VEZT: variants seen among roughly 807,000 people sequenced by gnomAD.
VEZT encodes the protein vezatin.
A neutral mutation model predicts 79.9 loss-of-function variants in VEZT; 39 were observed. The observed-to-expected ratio is 0.49, with a 90% CI of 0.38 to 0.64. VEZT has a LOEUF of 0.64. Among genes scored for constraint, VEZT ranks in the 30% least tolerant of loss-of-function variants. VEZT has a pLI of 0.00. For synonymous variants in VEZT, 325 were observed against 327.6 expected (o/e 0.99, Z 0.09); for missense variants, 837 against 893.1 (o/e 0.94, Z 0.80).
chr12:95,222,040 G>T (rs2057698506), intron 1 of VEZT, among the ~76,000 whole-genome samples: 5 of 152,128 alleles, frequency 3.3e-5, no homozygotes, highest in Admixed American at 3.3e-4. Context: ...TCCATGGACT[G>T]GGTATTTGCC....
chr12:95,269,288 C>G (rs944248703), intron 5 of VEZT, among the ~76,000 whole-genome samples: 1 of 152,120 alleles, frequency 6.6e-6, no homozygotes, highest in Non-Finnish European at 1.5e-5. Context: ...TAGGTACTCC[C>G]CATTAATCTT....
rs2067312270 is a variant in VEZT at position 95,274,822 on chromosome 12, G to T, written c.929G>T (p.Ser310Ile). Residue 310 changes from serine to isoleucine, a missense_variant, in exon 7 of 12, where the codon AGT becomes ATT. Transcript: ENST00000436874. ...TTTAAAGAGCTGGGCCTTGGACTTA[G>T]TGAAGAGCAGATTTCAGAAGAGGAA... is the stretch of plus-strand genomic sequence containing the variant. The part of the protein sequence containing the change: ...VPFKELGLGL[S>I]EEQISEEEAH... The T allele has an allele frequency of 1.9e-6, 3 of 1,613,780 alleles. No individual in the cohort carries two copies. The highest frequency in any genetic ancestry group is 1.7e-5 in the Admixed American group (1 of 59,994).
Position 95,287,744 on chromosome 12 carries a change from TC to T in VEZT, c.1411del (p.Leu471Ter). On this transcript the variant is annotated frameshift_variant, in exon 9 of 12. Coordinates refer to ENST00000436874, the MANE Select transcript of VEZT (RefSeq NM_017599.4). LOFTEE classifies it high-confidence loss of function. The part of the protein sequence containing the change: ...TQELVSEAYP[I>X]LEQKLKLIQP... ...GAACTAGTGTCAGAGGCTTATCCCA[TC>T]CTAGAACAGAAATTAAAGTTGATTC... 6.2e-7 allele frequency: 1 copy of T among 1,603,374 alleles called. No individual in the cohort carries two copies.
chr12:95,244,505 C>T (rs187264395), intron 1 of VEZT, among the ~76,000 whole-genome samples: 1 of 152,144 alleles, frequency 6.6e-6, no homozygotes, highest in East Asian at 1.9e-4. Flanking sequence ...TGCCTTCTTA[C>T]AGTTGTTCCA....
At chr12:95,289,339 C>T (rs1376346935) in intron 9 of VEZT, among the ~76,000 whole-genome samples, 1 of 145,342 alleles carries the variant, frequency 6.9e-6, no homozygotes, top group African/African-American at 2.6e-5. Context: ...ATGGCGTGAA[C>T]CCAGGAGGCG....
intron 1 of VEZT, among the ~76,000 whole-genome samples, chr12:95,236,891 C>T (rs1036324026): frequency 9.2e-5 from 14 of 152,252 alleles, no homozygotes; most frequent in African/African-American, 3.1e-4. Context: ...TTGGCTCTTA[C>T]TGAATTCTTA....
intron 1 of VEZT, among the ~76,000 whole-genome samples, chr12:95,231,257 C>T (rs1471017818): frequency 2.6e-5 from 4 of 152,106 alleles, no homozygotes; most frequent in Non-Finnish European, 4.4e-5. Context: ...CCTTTGAAGG[C>T]GTTTTTAAAA....
At chr12:95,235,917 C>G (rs1321799694) in intron 1 of VEZT, among the ~76,000 whole-genome samples, 2 of 151,058 alleles carry the variant, frequency 1.3e-5, no homozygotes, top group Admixed American at 6.6e-5. Flanking sequence ...CGGGCAGAGA[C>G]GCTCCTCACT....
Position 95,225,669 on chromosome 12 carries a change from A to G in VEZT, c.36+7783A>G, listed in dbSNP as rs373400915. The stretch of plus-strand genomic sequence containing the variant: ...AACTTGGAGTCTCTCCACTGTCTCT[A>G]CCACACCTGCAGCTGTGTTATCAAG... On this transcript the variant is annotated intron_variant, in intron 1 of 11. Coordinates refer to ENST00000436874, the MANE Select transcript of VEZT (RefSeq NM_017599.4). Among the ~76,000 whole-genome samples the G allele has an allele frequency of 1.0e-4, 15 of 150,456 alleles. No homozygotes were observed. In the East Asian group the frequency reaches 2.8e-3, roughly 28 times the overall value.
At chr12:95,243,446 T>C (rs969250584) in intron 1 of VEZT, among the ~76,000 whole-genome samples, 8 of 151,666 alleles carry the variant, frequency 5.3e-5, no homozygotes, top group Admixed American at 3.3e-4. Flanking sequence ...TACCAAACTG[T>C]CTCATCTATT....
intron 7 of VEZT, among the ~76,000 whole-genome samples, chr12:95,280,859 G>T (rs1055913663): frequency 6.6e-6 from 1 of 152,076 alleles, no homozygotes; most frequent in African/African-American, 2.4e-5. Context: ...AAGAAGGCTT[G>T]CAAGTAAACT....
intron 1 of VEZT, among the ~76,000 whole-genome samples, chr12:95,240,103 G>A (rs2060823666): frequency 6.6e-6 from 1 of 151,392 alleles, no homozygotes; most frequent in Admixed American, 6.6e-5. Flanking sequence ...CAGAAACATT[G>A]CAACAATGAC....
chr12:95,261,190 C>G (rs972882922), intron 3 of VEZT, among the ~76,000 whole-genome samples: 1 of 152,070 alleles, frequency 6.6e-6, no homozygotes, highest in South Asian at 2.1e-4. Flanking sequence ...ATATATGGTT[C>G]ACCTCATTCT....
intron 3 of VEZT, among the ~76,000 whole-genome samples, chr12:95,261,970 G>T (rs1300614993): frequency 6.6e-6 from 1 of 152,136 alleles, no homozygotes; most frequent in African/African-American, 2.4e-5. Context: ...TGTGCACTCT[G>T]TGCACAATCT....
intron 1 of VEZT, among the ~76,000 whole-genome samples, chr12:95,221,157 A>G (rs758286079): frequency 2.6e-5 from 4 of 152,216 alleles, no homozygotes; most frequent in African/African-American, 9.6e-5. Flanking sequence ...AATTTCTTGC[A>G]TATTTTTCTA....
chr12:95,226,700 G>A (rs1251029376), intron 1 of VEZT, among the ~76,000 whole-genome samples: 1 of 152,046 alleles, frequency 6.6e-6, no homozygotes, highest in Non-Finnish European at 1.5e-5. Context: ...TAGTCTGAGA[G>A]GACTAGATGT....
At chr12:95,220,437 C>CA in intron 1 of VEZT, among the ~76,000 whole-genome samples, 1 of 152,248 alleles carries the variant, frequency 6.6e-6, no homozygotes, top group African/African-American at 2.4e-5. Context: ...GCCTGGATGA[C>CA]AGAGCCAGAC....
chr12:95,266,245 C>T, intron 4 of VEZT, 112 bp from the exon 5 acceptor site: 3 of 1,180,698 alleles, frequency 2.5e-6, no homozygotes, highest in Non-Finnish European at 3.5e-6. Context: ...AAGAAGCTAG[C>T]ATTTTATTTA....
intron 1 of VEZT, among the ~76,000 whole-genome samples, chr12:95,250,405 C>A (rs1344529052): frequency 6.7e-6 from 1 of 150,346 alleles, no homozygotes; most frequent in Non-Finnish European, 1.5e-5. Flanking sequence ...CAGGTTCAAG[C>A]CATTCTCCCG....
Sources: gnomAD v4.1 joint callset for allele counts (sites outside exome capture counted in the v4.1 genomes callset) on GRCh38, gnomAD v4.1.1 for gene constraint, MANE v1.5 for transcripts, NCBI Gene and HGNC (gene_info 2026-07-23, HGNC 2026-07-21) for gene names.